Variants in CAMKMT observed in about 807,000 individuals in gnomAD.
CAMKMT encodes the protein CaM KMT.
In CAMKMT, 53 loss-of-function variants were observed where a neutral mutation model predicts 48.0. The observed-to-expected ratio is 1.10, with a 90% CI of 0.89 to 1.39. The LOEUF (loss-of-function observed/expected upper bound fraction) is 1.39, where lower values mean the gene tolerates loss of function less well. CAMKMT is among the 40% of genes most tolerant of loss of function. The pLI, the probability that CAMKMT is intolerant of heterozygous loss-of-function variation, is 0.00. For missense variants in CAMKMT, 428 were observed against 402.7 expected (o/e 1.06, Z -0.54); for synonymous variants, 165 against 152.3 (o/e 1.08, Z -0.61).
intron 3 of CAMKMT, among the ~76,000 whole-genome samples, chr2:44,451,120 C>T (rs1667265880): frequency 6.6e-6 from 1 of 152,014 alleles, no homozygotes; most frequent in Non-Finnish European, 1.5e-5. Context: ...AAGTGAAAAG[C>T]ACAAAGGATG....
intron 3 of CAMKMT, among the ~76,000 whole-genome samples, chr2:44,667,677 C>T (rs1415673266): frequency 6.6e-6 from 1 of 152,152 alleles, no homozygotes; most frequent in Non-Finnish European, 1.5e-5. Context: ...CGCAGTCATA[C>T]CCCAGACCTT....
At position 44,426,039 on chromosome 2, in the gene CAMKMT, A is replaced by G. The variant is rs199650536; in HGVS notation, c.376+35734A>G. Among the ~76,000 whole-genome samples, 19 of 152,328 alleles carry G rather than the reference A, an allele frequency of 1.2e-4. 1 individual carries two copies. In the East Asian group the frequency reaches 3.3e-3, roughly 26 times the overall value. ...AGCCACTGTGCCCAGCCAGGATTGT[A>G]TCTTTTAAGCAGAAAACTTAATAGC... On this transcript the variant is annotated intron_variant, in intron 3 of 10. Transcript: ENST00000378494.
In CAMKMT at chr2:44,618,975, A is replaced by G. The variant is rs748762843; in HGVS notation, c.377-85308A>G. Among the ~76,000 whole-genome samples, 48 of 152,312 alleles carry G rather than the reference A, an allele frequency of 3.2e-4. No homozygotes were observed. Among genetic ancestry groups the G allele is most frequent in the African/African-American group, 1.2e-3 (48 of 41,564 alleles). On this transcript the variant is annotated intron_variant, in intron 3 of 10. Transcript: ENST00000378494. This position sits in a 1 kb window ranked among gnomAD's most constrained non-coding sequence, Gnocchi z 4.0. ...GACTACTGTAAATTCAGATCTACTC[A>G]TAAATAGTTTGGAAATCACTGGGGA...
At chr2:44,540,768 A>G (rs1667063534) in intron 3 of CAMKMT, among the ~76,000 whole-genome samples, 1 of 152,182 alleles carries the variant, frequency 6.6e-6, no homozygotes, top group South Asian at 2.1e-4. Flanking sequence ...AAACTCAGAT[A>G]TGGGTTCTAG....
chr2:44,734,929 A>G (rs746674653), intron 7 of CAMKMT, among the ~76,000 whole-genome samples: 3 of 152,308 alleles, frequency 2.0e-5, no homozygotes, highest in East Asian at 1.9e-4. Context: ...TGTTCCATCA[A>G]TTACTGAGAG....
At position 44,653,285 on chromosome 2, in the gene CAMKMT, GTGT is replaced by G. The variant is rs1272273949; in HGVS notation, c.377-50992_377-50990del. On this transcript the variant is annotated intron_variant, in intron 3 of 10. Transcript: ENST00000378494. The surrounding 1 kb of genome is among the most constrained non-coding windows in gnomAD (Gnocchi z 5.2). Reference sequence around the variant, plus strand: ...TCTTCACAAGGCAGGTGTGGGACAAGTGTTGTTGGCTAAGTACTATTCATTGTC... The same window carrying G: ...TCTTCACAAGGCAGGTGTGGGACAAGTGTTGGCTAAGTACTATTCATTGTC... Among the ~76,000 whole-genome samples the G allele has an allele frequency of 2.0e-5, 3 of 152,230 alleles. No homozygotes were observed. The highest frequency in any genetic ancestry group is 7.2e-5 in the African/African-American group (3 of 41,464).
At chr2:44,564,834 C>G (rs1000372277) in intron 3 of CAMKMT, among the ~76,000 whole-genome samples, 1 of 152,146 alleles carries the variant, frequency 6.6e-6, no homozygotes, top group Non-Finnish European at 1.5e-5. Context: ...GCTACCACAC[C>G]CGGCCCAAGC....
intron 3 of CAMKMT, among the ~76,000 whole-genome samples, chr2:44,461,877 G>C (rs1667866668): frequency 6.6e-6 from 1 of 152,064 alleles, no homozygotes; most frequent in African/African-American, 2.4e-5. Context: ...CATTTCTATA[G>C]CCTATCTACC....
intron 3 of CAMKMT, among the ~76,000 whole-genome samples, chr2:44,701,979 T>A (rs1412178873): frequency 2.0e-5 from 3 of 151,394 alleles, no homozygotes; most frequent in Non-Finnish European, 2.9e-5. Flanking sequence ...TTTTTTTTTT[T>A]ACTTTGTTCT....
chr2:44,677,239 G>T (rs1242879562), intron 3 of CAMKMT, among the ~76,000 whole-genome samples: 1 of 152,192 alleles, frequency 6.6e-6, no homozygotes, highest in Non-Finnish European at 1.5e-5. Context: ...TGGAGAGGCA[G>T]CATGAGCTTA....
At chr2:44,516,569 A>G (rs1670842730) in intron 3 of CAMKMT, among the ~76,000 whole-genome samples, 1 of 152,106 alleles carries the variant, frequency 6.6e-6, no homozygotes, top group South Asian at 2.1e-4. Flanking sequence ...AGCTATAAAG[A>G]GATATACTAT....
chr2:44,378,782 G>A (rs1424093166), intron 2 of CAMKMT, among the ~76,000 whole-genome samples: 7 of 152,092 alleles, frequency 4.6e-5, no homozygotes, highest in South Asian at 2.1e-4. Context: ...GTGAGCCACC[G>A]CGCCTGGCCT....
intron 3 of CAMKMT, among the ~76,000 whole-genome samples, chr2:44,524,245 A>C (rs896776351): frequency 1.5e-4 from 23 of 152,130 alleles, no homozygotes; most frequent in Non-Finnish European, 2.5e-4. Flanking sequence ...TTGGGGGCTC[A>C]TGTTTTAAAA....
rs1029809777 is a variant in CAMKMT at position 44,438,521 on chromosome 2, C to G, written c.376+48216C>G. On this transcript the variant is annotated intron_variant, in intron 3 of 10. Coordinates refer to ENST00000378494, the MANE Select transcript of CAMKMT (RefSeq NM_024766.5). Reference sequence around the variant, plus strand: ...CAACAACTATAAATTTTTTCCTATTCATTTACATAACATTGCTTAAGTTTA... The same window carrying G: ...CAACAACTATAAATTTTTTCCTATTGATTTACATAACATTGCTTAAGTTTA... Among the ~76,000 whole-genome samples the G allele has an allele frequency of 5.5e-4, 83 of 152,240 alleles. 1 individual carries two copies. The highest frequency in any genetic ancestry group is 2.0e-3 in the African/African-American group (82 of 41,540).
intron 9 of CAMKMT, 102 bp from the exon 10 acceptor site, chr2:44,766,328 T>G: frequency 7.7e-7 from 1 of 1,300,320 alleles, no homozygotes; most frequent in Non-Finnish European, 1.1e-6. Context: ...ACAATTGAGT[T>G]TTTCTACTTG....
chr2:44,755,622 G>T (rs1015020161), intron 9 of CAMKMT, among the ~76,000 whole-genome samples: 4 of 152,076 alleles, frequency 2.6e-5, no homozygotes, highest in African/African-American at 9.7e-5. Context: ...AGGATCTATT[G>T]TAAATCATTC....
intron 3 of CAMKMT, among the ~76,000 whole-genome samples, chr2:44,619,778 T>G (rs1057304502): frequency 2.6e-5 from 4 of 152,218 alleles, no homozygotes; most frequent in Non-Finnish European, 5.9e-5. Context: ...AACATTGGAT[T>G]TAGAATTCTG....
chr2:44,571,897 A>G (rs910737932), intron 3 of CAMKMT, among the ~76,000 whole-genome samples: 1 of 152,254 alleles, frequency 6.6e-6, no homozygotes, highest in African/African-American at 2.4e-5. Flanking sequence ...ATATTAACAT[A>G]TGAAATAACA....
intron 3 of CAMKMT, among the ~76,000 whole-genome samples, chr2:44,406,786 A>G (rs538839542): frequency 2.0e-5 from 3 of 152,194 alleles, no homozygotes; most frequent in Non-Finnish European, 2.9e-5. Context: ...TTTTGTAGGA[A>G]CGAGGTTTCT....
Sources: gnomAD v4.1 joint callset for allele counts (sites outside exome capture counted in the v4.1 genomes callset) on GRCh38, gnomAD v4.1.1 for gene constraint, Gnocchi (gnomAD v3.1) non-coding constraint, MANE v1.5 for transcripts, NCBI Gene and HGNC (gene_info 2026-07-23, HGNC 2026-07-21) for gene names.